The following MYO18B variants were observed in gnomAD, a reference collection of about 807,000 sequenced individuals.
The protein encoded by MYO18B is unconventional myosin-XVIIIb.
MYO18B carries 204 observed loss-of-function variants against 273.0 expected under a neutral mutation model. That is an observed-to-expected ratio of 0.75 (90% CI 0.67 to 0.84). MYO18B has a LOEUF of 0.84. MYO18B is among the 40% of genes least tolerant of loss of function. The pLI, the probability that MYO18B is intolerant of heterozygous loss-of-function variation, is 0.00. For missense variants in MYO18B, 3,212 were observed against 3,287.6 expected (o/e 0.98, Z 0.56); for synonymous variants, 1,330 against 1,305.7 (o/e 1.02, Z -0.40).
the MYO18B span, among the ~76,000 whole-genome samples, chr22:26,055,646 G>C: frequency 6.6e-6 from 1 of 152,234 alleles, no homozygotes; most frequent in Non-Finnish European, 1.5e-5. Flanking sequence ...GGCAAGAGGA[G>C]AGGCAGGAGG....
chr22:25,998,163 G>A (rs750360249), intron 40 of MYO18B, among the ~76,000 whole-genome samples: 6 of 152,180 alleles, frequency 3.9e-5, no homozygotes, highest in African/African-American at 9.7e-5. Context: ...GCATTTAAAC[G>A]TGTGCTCTCC....
intron 42 of MYO18B, among the ~76,000 whole-genome samples, chr22:26,010,684 A>G (rs926972985): frequency 2.0e-5 from 3 of 152,158 alleles, no homozygotes; most frequent in Non-Finnish European, 4.4e-5. Context: ...CCTTCATCCC[A>G]GAGCAGGCCA....
Position 25,973,411 on chromosome 22 carries a change from C to T in MYO18B, c.6156+18047C>T, listed in dbSNP as rs530636761. On this transcript the variant is annotated intron_variant, in intron 39 of 43. Coordinates refer to ENST00000335473, the MANE Select transcript of MYO18B (RefSeq NM_032608.7). ...AGAACACAGAACGTAGGACAGAACC[C>T]AGTGGCTCTTGGCCTGGAGTTCCTC... Among the ~76,000 whole-genome samples the T allele has an allele frequency of 8.5e-5, 13 of 152,308 alleles. No individual in the cohort carries two copies. In the East Asian group the frequency reaches 2.1e-3, roughly 25 times the overall value.
At chr22:25,904,918 G>A (rs1013547303) in intron 31 of MYO18B, among the ~76,000 whole-genome samples, 10 of 145,740 alleles carry the variant, frequency 6.9e-5, no homozygotes, top group Non-Finnish European at 1.2e-4. Flanking sequence ...GAAAGAAAAA[G>A]GAAATGTGAG....
intron 15 of MYO18B, 83 bp from the exon 16 acceptor site, chr22:25,832,832 CCT>C: frequency 8.2e-7 from 1 of 1,224,650 alleles, no homozygotes; most frequent in Non-Finnish European, 1.2e-6. Context: ...TGATGGAAAT[CCT>C]CTCCGCTTTT....
At chr22:25,788,831 C>T (rs1018861178) in intron 11 of MYO18B, among the ~76,000 whole-genome samples, 4 of 152,138 alleles carry the variant, frequency 2.6e-5, no homozygotes, top group African/African-American at 9.7e-5. Context: ...TGGAGTCTGA[C>T]GTAGTGATGT....
At chr22:26,038,326 C>G in the MYO18B span, among the ~76,000 whole-genome samples, 1 of 152,118 alleles carries the variant, frequency 6.6e-6, no homozygotes, top group East Asian at 1.9e-4. Context: ...CTAAGCTCAC[C>G]ATAGGCGAGC....
intron 36 of MYO18B, 35 bp downstream of exon 36, chr22:25,947,863 G>A (rs746883217): frequency 1.3e-6 from 2 of 1,534,078 alleles, no homozygotes; most frequent in Non-Finnish European, 1.8e-6. Flanking sequence ...GAAGCTCAGG[G>A]ACTTGGGGTG....
At chr22:25,801,858 G>C (rs967932481) in intron 12 of MYO18B, among the ~76,000 whole-genome samples, 1 of 152,210 alleles carries the variant, frequency 6.6e-6, no homozygotes, top group Non-Finnish European at 1.5e-5. Flanking sequence ...TCAGGACATA[G>C]AGCTAAAGCT....
the MYO18B span, among the ~76,000 whole-genome samples, chr22:26,044,064 A>G: frequency 1.3e-5 from 2 of 152,164 alleles, no homozygotes; most frequent in Non-Finnish European, 2.9e-5. Context: ...TTGTGTTTTT[A>G]ATTGGCATTT....
At chr22:26,024,604 G>A (rs570974718) in intron 42 of MYO18B, among the ~76,000 whole-genome samples, 31 of 152,200 alleles carry the variant, frequency 2.0e-4, no homozygotes, top group Non-Finnish European at 4.1e-4. Context: ...CCACCCATCT[G>A]ACATAGGGAG....
At chr22:25,742,512 C>T (rs2085656793) in intron 1 of MYO18B, among the ~76,000 whole-genome samples, 2 of 152,062 alleles carry the variant, frequency 1.3e-5, no homozygotes, top group Admixed American at 1.3e-4. Flanking sequence ...GATTTGAGAA[C>T]AAAATGCTGG....
At chr22:25,806,955 A>G (rs1176802060) in intron 12 of MYO18B, among the ~76,000 whole-genome samples, 1 of 152,228 alleles carries the variant, frequency 6.6e-6, no homozygotes, top group Non-Finnish European at 1.5e-5. Flanking sequence ...CAATCATTGT[A>G]CAGTCAGATA....
intron 27 of MYO18B, among the ~76,000 whole-genome samples, chr22:25,893,766 TCCATCCACCCATCCAC>T (rs552222193): frequency 3.6e-4 from 54 of 151,388 alleles, no homozygotes; most frequent in Non-Finnish European, 5.3e-4. Flanking sequence ...CATCTATCCA[TCCATCCACCCATCCAC>T]CCATCCACCC....
intron 28 of MYO18B, chr22:25,896,919 G>A (rs944594004): frequency 6.6e-6 from 1 of 152,170 alleles, no homozygotes; most frequent in African/African-American, 2.4e-5. Flanking sequence ...GGTACCAGCT[G>A]ACTCTGGCAC....
At chr22:25,952,563 G>A in intron 38 of MYO18B, 140 bp downstream of exon 38, 1 of 1,146,708 alleles carries the variant, frequency 8.7e-7, no homozygotes, top group Non-Finnish European at 1.2e-6. Flanking sequence ...TCTCACCCAA[G>A]CTCCCTCCCT....
chr22:25,984,626 C>G (rs1262153952), intron 39 of MYO18B, among the ~76,000 whole-genome samples: 1 of 106,668 alleles, frequency 9.4e-6, no homozygotes, highest in Non-Finnish European at 2.3e-5. Flanking sequence ...CCTGTTTCTA[C>G]AAATAATAAT....
At chr22:26,020,125 C>T (rs1935692359) in intron 42 of MYO18B, among the ~76,000 whole-genome samples, 1 of 152,112 alleles carries the variant, frequency 6.6e-6, no homozygotes, top group African/African-American at 2.4e-5. Context: ...TTTCTCACCA[C>T]TGAGCCTCAG....
chr22:25,799,564 G>A (rs2145768812), intron 12 of MYO18B, among the ~76,000 whole-genome samples: 1 of 152,328 alleles, frequency 6.6e-6, no homozygotes, highest in South Asian at 2.1e-4. Flanking sequence ...TGTGTGAATT[G>A]AGGTCTGTCC....
Sources: allele counts gnomAD v4.1 joint callset (sites outside exome capture counted in the v4.1 genomes callset), GRCh38; gene constraint gnomAD v4.1.1; transcripts MANE v1.5; gene names NCBI Gene and HGNC (gene_info 2026-07-23, HGNC 2026-07-21).